Variants in BNIP2 observed in about 807,000 individuals in gnomAD.
BNIP2 encodes BCL2/adenovirus E1B 19 kDa protein-interacting protein 2.
In BNIP2, 36 loss-of-function variants were observed where a neutral mutation model predicts 43.4. The observed-to-expected ratio is 0.83, with a 90% CI of 0.64 to 1.10. The LOEUF is 1.10. Among genes scored for constraint, BNIP2 ranks in the 50% least tolerant of loss-of-function variants. The pLI is 0.00. For synonymous variants in BNIP2, 146 were observed against 121.0 expected (o/e 1.21, Z -1.35); for missense variants, 417 against 374.1 (o/e 1.11, Z -0.95).
chr15:59,688,883 GGAAAA>G, intron 1 of BNIP2: 1 of 1,474,536 alleles, frequency 6.8e-7, no homozygotes, highest in African/African-American at 1.4e-5. Flanking sequence ...TACCAGAAAC[GGAAAA>G]GCGACGGGGT....
intron 4 of BNIP2, chr15:59,678,676 G>A (rs1322246925): frequency 4.2e-6 from 5 of 1,194,206 alleles, no homozygotes; most frequent in African/African-American, 1.6e-5. Context: ...TGTAATTTAT[G>A]TTTTGAGATT....
chr15:59,679,344 T>A lies in BNIP2; in HGVS notation c.295+248A>T, dbSNP rs1449151121. 4 of 336,432 alleles carry A rather than the reference T, an allele frequency of 1.2e-5. No homozygotes were observed. The East Asian group carries it at 2.0e-4, about 17-fold the overall frequency. The allele number at this position is 336,432 out of a possible 1,614,324, so 20.8% of individuals were successfully genotyped here. On this transcript the variant is annotated intron_variant, in intron 4 of 9. Transcript: ENST00000607373. The stretch of plus-strand genomic sequence containing the variant: ...TTACTTGATTGACTAAAAAAGAGCA[T>A]GCCATAATTATCAAGAAATATTTTT...
chr15:59,686,430 A>AT (rs1344603068), intron 1 of BNIP2, among the ~76,000 whole-genome samples: 1 of 152,128 alleles, frequency 6.6e-6, no homozygotes, highest in Non-Finnish European at 1.5e-5. Context: ...TTATAACACA[A>AT]TTTTACACAG....
intron 4 of BNIP2, chr15:59,678,949 G>A: frequency 1.3e-5 from 13 of 1,005,478 alleles, no homozygotes; most frequent in East Asian, 1.6e-4. Context: ...AAACAGGGAA[G>A]AAAAAAGAAA....
intron 4 of BNIP2, chr15:59,678,924 T>C: frequency 8.6e-7 from 1 of 1,164,806 alleles, no homozygotes; most frequent in South Asian, 1.5e-5. Flanking sequence ...TACTGGACTG[T>C]TTATTGAACC....
rs1476247781 is a variant in BNIP2, at chr15:59,661,761, T to C, written c.*2308A>G. On this transcript the variant is annotated 3_prime_UTR_variant, in exon 10 of 10. Coordinates refer to ENST00000607373, the MANE Select transcript of BNIP2 (RefSeq NM_004330.4). ...AATGGGAAATTAAAATGGAATAATA[T>C]GGGAAATGTTAACTTAGCTATAGAT... 3.3e-5 allele frequency: 5 copies of C among 152,214 alleles called. No homozygotes were observed. Among genetic ancestry groups the C allele is most frequent in the African/African-American group, 9.6e-5 (4 of 41,454 alleles). 9.4% of individuals were successfully genotyped at this position (152,214 alleles called of 1,614,324 possible). A position where few individuals can be genotyped will look rare whatever the true frequency, so the allele number is the denominator to read the frequency against.
intron 5 of BNIP2, among the ~76,000 whole-genome samples, chr15:59,675,605 TCAAAA>T (rs796815632): frequency 3.9e-4 from 60 of 152,226 alleles, no homozygotes; most frequent in African/African-American, 1.3e-3. Context: ...AGACTCTGTC[TCAAAA>T]CAAAACAAAA....
chr15:59,686,625 G>C (rs1185624196), intron 1 of BNIP2, among the ~76,000 whole-genome samples: 1 of 151,796 alleles, frequency 6.6e-6, no homozygotes, highest in Non-Finnish European at 1.5e-5. Flanking sequence ...TGTATGTTTA[G>C]GAGATCACCA....
At chr15:59,673,734 G>A (rs1893083176) in intron 5 of BNIP2, among the ~76,000 whole-genome samples, 1 of 152,168 alleles carries the variant, frequency 6.6e-6, no homozygotes, top group African/African-American at 2.4e-5. Flanking sequence ...ATAAGTGGGT[G>A]ATTTTTAAAA....
At position 59,669,939 on chromosome 15, in the gene BNIP2, C is replaced by A. The variant is rs960832705; in HGVS notation, c.708-577G>T. Among the ~76,000 whole-genome samples, 7 of 152,176 alleles carry A rather than the reference C, an allele frequency of 4.6e-5. 1 individual carries two copies. In the South Asian group the frequency reaches 1.2e-3, roughly 27 times the overall value. On this transcript the variant is annotated intron_variant, in intron 7 of 9. Transcript: ENST00000607373. ...ACATAAAGTGAGATACATATATAAT[C>A]ATAAGAGCTAGCCAATGTCAAATTT...
intron 5 of BNIP2, chr15:59,676,635 A>G (rs1893307808): frequency 8.8e-6 from 5 of 567,800 alleles, no homozygotes; most frequent in Non-Finnish European, 1.6e-5. Flanking sequence ...TCAAAATTAC[A>G]TAATATCTCT....
intron 6 of BNIP2, chr15:59,672,093 A>G (rs1461327503): frequency 6.6e-6 from 1 of 152,266 alleles, no homozygotes; most frequent in East Asian, 1.9e-4. Flanking sequence ...AACGAAACAA[A>G]GTTGGAACAA....
In BNIP2 at chr15:59,684,256, T is replaced by C. The variant is rs557256562; in HGVS notation, c.-57-1742A>G. Among the ~76,000 whole-genome samples, 8 of 152,254 alleles carry C rather than the reference T, an allele frequency of 5.3e-5. No individual in the cohort carries two copies. In the East Asian group the frequency reaches 1.5e-3, roughly 29 times the overall value. On this transcript the variant is annotated intron_variant, in intron 1 of 9. Transcript: ENST00000607373. ...TACACTTGTTACCACAGAAAAAAAA[T>C]GGTAGATGCTGACTTTTCCACACCA...
intron 7 of BNIP2, among the ~76,000 whole-genome samples, chr15:59,670,812 G>T (rs1210196040): frequency 6.6e-6 from 1 of 152,136 alleles, no homozygotes; most frequent in Non-Finnish European, 1.5e-5. Context: ...GGTGGCTCAC[G>T]CCTGTAATCC....
At chr15:59,670,844 C>T (rs569471460) in intron 7 of BNIP2, among the ~76,000 whole-genome samples, 3 of 152,266 alleles carry the variant, frequency 2.0e-5, no homozygotes, top group Non-Finnish European at 2.9e-5. Flanking sequence ...GAGGCCGAGG[C>T]GGGTGGATCA....
At chr15:59,677,580 A>G (rs1893385437) in intron 5 of BNIP2, among the ~76,000 whole-genome samples, 1 of 152,218 alleles carries the variant, frequency 6.6e-6, no homozygotes, top group Non-Finnish European at 1.5e-5. Flanking sequence ...CAGTATGTCA[A>G]AAGTAATGTC....
Position 59,679,772 on chromosome 15 carries a change from G to A in BNIP2, c.119-4C>T. ...TTTCCATTAACTTCTAGTGAGCCTGGAATTGGAAAATAAAGAAAAAGATAC... is the reference window on the plus strand; with the variant it reads ...TTTCCATTAACTTCTAGTGAGCCTGAAATTGGAAAATAAAGAAAAAGATAC... On this transcript the variant is annotated splice_region_variant and splice_polypyrimidine_tract_variant and intron_variant, in intron 3 of 9. Transcript: ENST00000607373. 6.8e-7 allele frequency: 1 copy of A among 1,466,820 alleles called. No homozygotes were observed. The highest frequency in any genetic ancestry group is 9.0e-7 in the Non-Finnish European group (1 of 1,111,006). The allele number at this position is 1,466,820 out of a possible 1,614,324, so 90.9% of individuals were successfully genotyped here. A position where few individuals can be genotyped will look rare whatever the true frequency, so the allele number is the denominator to read the frequency against.
intron 9 of BNIP2, 57 bp downstream of exon 9, chr15:59,668,833 TCC>T: frequency 7.3e-7 from 1 of 1,369,256 alleles, no homozygotes; most frequent in Non-Finnish European, 1.0e-6. Flanking sequence ...AAAAGTATTA[TCC>T]ATTGCACATC....
At position 59,663,149 on chromosome 15, in the gene BNIP2, A is replaced by AGT. The variant is rs1892366077; in HGVS notation, c.*918_*919dup. 1 of 152,654 alleles carries AGT rather than the reference A, an allele frequency of 6.6e-6. No homozygotes were observed. The highest frequency in any genetic ancestry group is 1.5e-5 in the Non-Finnish European group (1 of 68,044). The allele number at this position is 152,654 out of a possible 1,614,324, so 9.5% of individuals were successfully genotyped here. A position where few individuals can be genotyped will look rare whatever the true frequency, so the allele number is the denominator to read the frequency against. On this transcript the variant is annotated 3_prime_UTR_variant, in exon 10 of 10. Transcript: ENST00000607373. ...AGCAGCCCCTGTTTTCTATAGAAAAAGTTGTGACAGTGAATAACTCATCAC... is the reference window on the plus strand; with the variant it reads ...AGCAGCCCCTGTTTTCTATAGAAAAAGTGTTGTGACAGTGAATAACTCATCAC...
Sources: allele counts gnomAD v4.1 joint callset (sites outside exome capture counted in the v4.1 genomes callset), GRCh38; gene constraint gnomAD v4.1.1; transcripts MANE v1.5; gene names NCBI Gene and HGNC (gene_info 2026-07-23, HGNC 2026-07-21).